Variants in BCL11B observed in about 807,000 individuals in gnomAD.
The protein encoded by BCL11B is B-cell lymphoma/leukemia 11B.
In BCL11B, 8 loss-of-function variants were observed where a neutral mutation model predicts 49.9. The observed-to-expected ratio is 0.16, with a 90% CI of 0.09 to 0.29. The LOEUF (loss-of-function observed/expected upper bound fraction) is 0.29. BCL11B is among the 10% of genes least tolerant of loss of function. BCL11B has a pLI of 1.00. For synonymous variants in BCL11B, 739 were observed against 637.4 expected (o/e 1.16, Z -2.40); for missense variants, 1,006 against 1,351.0 (o/e 0.74, Z 4.00).
intron 2 of BCL11B, among the ~76,000 whole-genome samples, chr14:99,234,377 C>G (rs1370096480): frequency 3.9e-5 from 6 of 152,196 alleles, no homozygotes; most frequent in Non-Finnish European, 8.8e-5. Flanking sequence ...AGCCCCCATC[C>G]TTCCTCAGAG....
At chr14:99,235,906 T>G in intron 2 of BCL11B, among the ~76,000 whole-genome samples, 1 of 151,464 alleles carries the variant, frequency 6.6e-6, no homozygotes, top group South Asian at 2.1e-4. Flanking sequence ...TTAAAAAAAT[T>G]AAAAAAAAGC....
At chr14:99,255,845 G>A (rs553726352) in intron 2 of BCL11B, among the ~76,000 whole-genome samples, 5 of 152,320 alleles carry the variant, frequency 3.3e-5, no homozygotes, top group Admixed American at 1.3e-4. Flanking sequence ...TTTACATGCC[G>A]GTGGCCTGGA....
chr14:99,240,373 C>T (rs1413172718), intron 2 of BCL11B, among the ~76,000 whole-genome samples: 1 of 152,024 alleles, frequency 6.6e-6, no homozygotes, highest in Non-Finnish European at 1.5e-5. Context: ...CTCTTTTCTC[C>T]CTTTCATTTT....
At chr14:99,259,500 G>C (rs1889277142) in intron 1 of BCL11B, among the ~76,000 whole-genome samples, 1 of 152,216 alleles carries the variant, frequency 6.6e-6, no homozygotes, top group Admixed American at 6.5e-5. Context: ...TAGCGACGTA[G>C]GTATCGCTGA....
At position 99,170,590 on chromosome 14, in the gene BCL11B, A is replaced by AATGGAGG. The variant is rs1190756588; in HGVS notation, c.*3554_*3560dup. 1 of 232,596 alleles carries AATGGAGG rather than the reference A, an allele frequency of 4.3e-6. No individual in the cohort carries two copies. The highest frequency in any genetic ancestry group is 8.5e-6 in the Non-Finnish European group (1 of 117,464). The allele number at this position is 232,596 out of a possible 1,614,324, so 14.4% of individuals were successfully genotyped here. ...AAAAATGAAAGAAAAAAAAAGGACC[A>AATGGAGG]ATGGAGGATGAAGGATGGAGAGGAA... On this transcript the variant is annotated 3_prime_UTR_variant, in exon 4 of 4. Transcript: ENST00000357195.
intron 3 of BCL11B, among the ~76,000 whole-genome samples, chr14:99,227,406 GA>G (rs1888189204): frequency 6.6e-6 from 1 of 152,106 alleles, no homozygotes; most frequent in African/African-American, 2.4e-5. Flanking sequence ...GAGGGATGGA[GA>G]GGGGAAATGA....
In BCL11B at chr14:99,172,079, T is replaced by C. The variant is rs1886308960; in HGVS notation, c.*2072A>G. 1.4e-5 allele frequency: 3 copies of C among 220,038 alleles called. No homozygotes were observed. In the East Asian group the frequency reaches 2.0e-4, roughly 15 times the overall value. 13.6% of individuals were successfully genotyped at this position (220,038 alleles called of 1,614,324 possible). A position where few individuals can be genotyped will look rare whatever the true frequency, so the allele number is the denominator to read the frequency against. On this transcript the variant is annotated 3_prime_UTR_variant, in exon 4 of 4. Transcript: ENST00000357195. ...CGCTCCAACACACATACACACAATT[T>C]TTTTTTTACCCTTGTATGTACCCAA... is the stretch of plus-strand genomic sequence containing the variant.
intron 3 of BCL11B, among the ~76,000 whole-genome samples, chr14:99,188,371 G>A (rs970456314): frequency 3.3e-5 from 5 of 152,240 alleles, no homozygotes; most frequent in African/African-American, 1.2e-4. Context: ...TTTCCCCCCA[G>A]TGGGGTTCAG....
chr14:99,191,187 T>C (rs865915962), intron 3 of BCL11B, among the ~76,000 whole-genome samples: 19 of 140,906 alleles, frequency 1.3e-4, no homozygotes, highest in East Asian at 1.2e-3. Flanking sequence ...TTGGAGATAT[T>C]TGTGATTGTC....
At chr14:99,270,459 A>G (rs1334495846) in intron 1 of BCL11B, among the ~76,000 whole-genome samples, 3 of 139,978 alleles carry the variant, frequency 2.1e-5, no homozygotes, top group Non-Finnish European at 3.1e-5. Flanking sequence ...TCATCCCAGG[A>G]GACAGACGGA....
rs1309673598 is a variant in BCL11B at position 99,241,029 on chromosome 14, T to C, written c.428-9472A>G. ...TTGATTTTGTTGTAATTTTTTTTTT[T>C]CCTCAGCTGTCTTTGAAACAGAGCT... On this transcript the variant is annotated intron_variant, in intron 2 of 3. Coordinates refer to ENST00000357195, the MANE Select transcript of BCL11B (RefSeq NM_138576.4). This position sits in a 1 kb window ranked among gnomAD's most constrained non-coding sequence, Gnocchi z 4.4. 1.3e-5 allele frequency among the ~76,000 whole-genome samples: 2 copies of C among 151,596 alleles called. No individual in the cohort carries two copies. The highest frequency in any genetic ancestry group is 2.4e-5 in the African/African-American group (1 of 41,326).
intron 2 of BCL11B, among the ~76,000 whole-genome samples, chr14:99,243,791 T>A (rs1888738572): frequency 6.6e-6 from 1 of 152,144 alleles, no homozygotes. Context: ...AAATTGAAGA[T>A]GCTTAACACA....
intron 3 of BCL11B, among the ~76,000 whole-genome samples, chr14:99,204,126 G>A (rs1180368907): frequency 6.6e-6 from 1 of 152,136 alleles, no homozygotes; most frequent in African/African-American, 2.4e-5. Flanking sequence ...AGGGGAAAAG[G>A]CTGCCTTGTG....
intron 1 of BCL11B, among the ~76,000 whole-genome samples, chr14:99,265,399 G>A (rs960695032): frequency 9.2e-5 from 14 of 152,158 alleles, no homozygotes; most frequent in African/African-American, 3.4e-4. Flanking sequence ...CAGGCAGCCA[G>A]AAGGTCCATC....
In BCL11B at chr14:99,271,431, T is replaced by G. The variant is rs1298937720; in HGVS notation, c.-213A>C. 5 of 261,212 alleles carry G rather than the reference T, an allele frequency of 1.9e-5. No homozygotes were observed. Among genetic ancestry groups the G allele is most frequent in the African/African-American group, 4.4e-5 (2 of 45,090 alleles). The allele number at this position is 261,212 out of a possible 1,614,324, so 16.2% of individuals were successfully genotyped here. A position where few individuals can be genotyped will look rare whatever the true frequency, so the allele number is the denominator to read the frequency against. On this transcript the variant is annotated 5_prime_UTR_variant, in exon 1 of 4. Transcript: ENST00000357195. ...CTTCTTTATTTTGCTCTTTCTTCTA[T>G]GCTGTTTTTTGTTTTGTTTGCAAAA...
At position 99,199,640 on chromosome 14, in the gene BCL11B, CTGTGTGTGTG is replaced by C. The variant is rs79328426; in HGVS notation, c.641-23455_641-23446del. Among the ~76,000 whole-genome samples the C allele has an allele frequency of 1.4e-3, 149 of 109,554 alleles. 1 individual carries two copies. The highest frequency in any genetic ancestry group is 8.6e-3 in the East Asian group (37 of 4,302). The allele number at this position is 109,554 out of a possible 152,430, so 71.9% of individuals were successfully genotyped here. ...GACTTAGCAGGGTTCTGGCTAAATG[CTGTGTGTGTG>C]TGTGTGTGTGTGTGTGTGTGTGTGT... On this transcript the variant is annotated intron_variant, in intron 3 of 3. Coordinates refer to ENST00000357195, the MANE Select transcript of BCL11B (RefSeq NM_138576.4).
rs1352587827 is a variant in BCL11B at position 99,271,632 on chromosome 14, T to C, written c.-414A>G. 2 of 199,618 alleles carry C rather than the reference T, an allele frequency of 1.0e-5. No individual in the cohort carries two copies. The highest frequency in any genetic ancestry group is 2.1e-5 in the Non-Finnish European group (2 of 96,102). 12.4% of individuals were successfully genotyped at this position (199,618 alleles called of 1,614,324 possible). A position where few individuals can be genotyped will look rare whatever the true frequency, so the allele number is the denominator to read the frequency against. ...TTCAAACTGCTTGGCCTCTTGCACT[T>C]GCAAATGTCTTCTTGAACTTAAACT... On this transcript the variant is annotated 5_prime_UTR_variant, in exon 1 of 4. Coordinates refer to ENST00000357195, the MANE Select transcript of BCL11B (RefSeq NM_138576.4).
chr14:99,234,855 CAAAAAAAAAAAAA>C (rs34831762), intron 2 of BCL11B, among the ~76,000 whole-genome samples: 1 of 66,638 alleles, frequency 1.5e-5, no homozygotes, highest in South Asian at 6.0e-4. Flanking sequence ...GGTCTATGCA[CAAAAAAAAAAAAA>C]AAAAAAAAAA....
chr14:99,227,680 T>C (rs929328130), intron 3 of BCL11B, among the ~76,000 whole-genome samples: 2 of 152,158 alleles, frequency 1.3e-5, no homozygotes, highest in Non-Finnish European at 2.9e-5. Context: ...TACATACACA[T>C]ATACATACAT....
Sources: allele counts gnomAD v4.1 joint callset (sites outside exome capture counted in the v4.1 genomes callset), GRCh38; gene constraint gnomAD v4.1.1; non-coding constraint Gnocchi (gnomAD v3.1); transcripts MANE v1.5; gene names NCBI Gene and HGNC (gene_info 2026-07-23, HGNC 2026-07-21).